Variants in NWD1 observed in about 807,000 individuals in gnomAD.
NWD1 encodes the protein NACHT and WD repeat domain containing 1, also known as NACHT domain- and WD repeat-containing protein 1.
Under a neutral mutation model 135.1 loss-of-function variants are expected in NWD1, and 129 were observed. The ratio of observed to expected loss-of-function variants is 0.96; its 90% confidence interval spans 0.83 to 1.11. The LOEUF (loss-of-function observed/expected upper bound fraction) is 1.11. Among genes scored for constraint, NWD1 ranks in the 50% least tolerant of loss-of-function variants. The probability of loss-of-function intolerance (pLI) is 0.00; values close to 1 mark genes in which losing one functional copy is unlikely to be tolerated. For missense variants in NWD1, 1,740 were observed against 1,851.3 expected, an observed-to-expected ratio of 0.94 and a Z score of 1.10; for synonymous variants, 773 against 786.0, an observed-to-expected ratio of 0.98 and a Z score of 0.28.
intron 4 of NWD1, among the ~76,000 whole-genome samples, chr19:16,739,588 C>T (rs1967997105): frequency 6.6e-6 from 1 of 152,092 alleles, no homozygotes; most frequent in African/African-American, 2.4e-5. Context: ...CATCTTGAAC[C>T]AGGCATCACC....
chr19:16,726,744 C>T (rs1180293842), intron 2 of NWD1, among the ~76,000 whole-genome samples: 2 of 152,182 alleles, frequency 1.3e-5, no homozygotes, highest in Non-Finnish European at 2.9e-5. Context: ...TGGCCTAAAA[C>T]TGGTTTCTCA....
chr19:16,779,744 C>T (rs1264155916), intron 12 of NWD1, among the ~76,000 whole-genome samples: 2 of 152,066 alleles, frequency 1.3e-5, no homozygotes, highest in African/African-American at 4.8e-5. Context: ...CCAAGTGATC[C>T]TCCTGCCTCA....
intron 1 of NWD1, among the ~76,000 whole-genome samples, chr19:16,722,516 T>C (rs995356739): frequency 6.6e-6 from 1 of 151,904 alleles, no homozygotes; most frequent in Non-Finnish European, 1.5e-5. Context: ...CTCAAACTCC[T>C]GACCTCAGGC....
intron 9 of NWD1, among the ~76,000 whole-genome samples, chr19:16,764,505 G>A (rs887280234): frequency 1.3e-5 from 2 of 150,218 alleles, no homozygotes; most frequent in Admixed American, 6.6e-5. Flanking sequence ...TCATCCTTCT[G>A]TCTGTCCATC....
At chr19:16,764,903 G>T in intron 9 of NWD1, 131 bp from the exon 10 acceptor site, 1 of 978,062 alleles carries the variant, frequency 1.0e-6, no homozygotes, top group South Asian at 1.6e-5. Flanking sequence ...CACAGAGAAT[G>T]ATCCTGCCCC....
At chr19:16,737,568 T>G (rs555820123) in intron 4 of NWD1, among the ~76,000 whole-genome samples, 1,808 of 148,508 alleles carry the variant, frequency 0.012, 40 homozygotes, top group African/African-American at 0.042. Context: ...AGTTTTAAGT[T>G]TTTTTTTTTT....
chr19:16,771,120 C>T (rs370527271), intron 10 of NWD1, among the ~76,000 whole-genome samples: 4 of 151,996 alleles, frequency 2.6e-5, no homozygotes, highest in East Asian at 1.9e-4. Flanking sequence ...GGCAACATAG[C>T]GAGACCCTAT....
intron 18 of NWD1, among the ~76,000 whole-genome samples, chr19:16,813,212 G>A (rs1006616807): frequency 1.3e-5 from 2 of 152,092 alleles, no homozygotes; most frequent in African/African-American, 4.8e-5. Flanking sequence ...GAGCTGAGAA[G>A]AGTGAGAAGA....
intron 4 of NWD1, among the ~76,000 whole-genome samples, chr19:16,740,398 A>C (rs28510720): frequency 0.4 from 60,733 of 151,756 alleles, 12,335 homozygotes; most frequent in Middle Eastern, 0.56. Context: ...TGCAGTGGGA[A>C]CATGTTGGCT....
chr19:16,807,434 G>A (rs111723624), intron 17 of NWD1, 152 bp from the exon 18 acceptor site: 61 of 584,820 alleles, frequency 1.0e-4, no homozygotes, highest in Middle Eastern at 9.5e-4. Flanking sequence ...TGGAGGTTAC[G>A]GTGACCTGAG....
At chr19:16,772,190 A>AC (rs1448992408) in intron 10 of NWD1, among the ~76,000 whole-genome samples, 1 of 151,784 alleles carries the variant, frequency 6.6e-6, no homozygotes, top group East Asian at 1.9e-4. Flanking sequence ...ACATAACGAG[A>AC]CCCCGTCTCT....
chr19:16,787,898 AATAATAATCATC>A (rs1230450403), intron 12 of NWD1, among the ~76,000 whole-genome samples: 81 of 84,714 alleles, frequency 9.6e-4, no homozygotes, highest in African/African-American at 1.8e-3. Flanking sequence ...TAATAATAAT[AATAATAATCATC>A]ATCATCATCA....
intron 2 of NWD1, among the ~76,000 whole-genome samples, chr19:16,729,305 C>T (rs1967459919): frequency 6.6e-6 from 1 of 152,054 alleles, no homozygotes; most frequent in African/African-American, 2.4e-5. Flanking sequence ...TGTGGTCACT[C>T]CCTTGTCTAC....
intron 3 of NWD1, among the ~76,000 whole-genome samples, chr19:16,733,051 G>A (rs11670108): frequency 0.24 from 36,894 of 151,510 alleles, 5,363 homozygotes; most frequent in Middle Eastern, 0.41. Flanking sequence ...ACAAGATCCC[G>A]TCTCTATAAA....
intron 14 of NWD1, among the ~76,000 whole-genome samples, chr19:16,792,918 A>G (rs903197646): frequency 6.7e-6 from 1 of 148,818 alleles, no homozygotes; most frequent in Admixed American, 6.7e-5. Context: ...GGTGGTGCAT[A>G]CTTGTACTCC....
chr19:16,754,768 A>G (rs1215209468), intron 6 of NWD1, among the ~76,000 whole-genome samples: 5 of 145,182 alleles, frequency 3.4e-5, no homozygotes, highest in Admixed American at 3.4e-4. Context: ...CCATCCATCC[A>G]TCCACCCACC....
chr19:16,815,408 G>T lies in NWD1; in HGVS notation c.*369G>T, dbSNP rs761748904. On this transcript the variant is annotated 3_prime_UTR_variant, in exon 19 of 19. Coordinates refer to ENST00000524140, the MANE Select transcript of NWD1 (RefSeq NM_001007525.5). ...CCATTTAATCTAGTTAAAGCAAAAA[G>T]AATACGTTTGCTGGTGTATATCTGG... The T allele has an allele frequency of 3.0e-5, 19 of 626,268 alleles. No homozygotes were observed. Among genetic ancestry groups the T allele is most frequent in the South Asian group, 1.2e-4 (6 of 50,572 alleles). 38.8% of individuals were successfully genotyped at this position (626,268 alleles called of 1,614,324 possible). A position where few individuals can be genotyped will look rare whatever the true frequency, so the allele number is the denominator to read the frequency against.
intron 3 of NWD1, among the ~76,000 whole-genome samples, chr19:16,734,280 G>A (rs1967698953): frequency 6.6e-6 from 1 of 152,104 alleles, no homozygotes; most frequent in South Asian, 2.1e-4. Flanking sequence ...AGGGCGAGGT[G>A]GCTCATGCCT....
chr19:16,783,899 A>C (rs899676630), intron 12 of NWD1, among the ~76,000 whole-genome samples: 1 of 152,128 alleles, frequency 6.6e-6, no homozygotes, highest in Non-Finnish European at 1.5e-5. Flanking sequence ...TATTGTAAGT[A>C]ACCTAGAGAT....
Sources: gnomAD v4.1 joint callset for allele counts (sites outside exome capture counted in the v4.1 genomes callset) on GRCh38, gnomAD v4.1.1 for gene constraint, MANE v1.5 for transcripts, NCBI Gene and HGNC (gene_info 2026-07-23, HGNC 2026-07-21) for gene names.